The following DOCK4 variants were observed in gnomAD, a reference collection of about 807,000 sequenced individuals.
DOCK4 encodes the protein dedicator of cytokinesis protein 4.
Under a neutral mutation model 268.1 loss-of-function variants are expected in DOCK4, and 97 were observed. That is an observed-to-expected ratio of 0.36 (90% confidence interval 0.31 to 0.43). The LOEUF (loss-of-function observed/expected upper bound fraction) is 0.43, where lower values mean the gene tolerates loss of function less well. Among genes scored for constraint, DOCK4 ranks in the 20% least tolerant of loss-of-function variants. DOCK4 has a pLI of 1.00. For synonymous variants in DOCK4, 954 were observed against 887.2 expected (o/e 1.08, Z -1.34); for missense variants, 2,145 against 2,455.7 (o/e 0.87, Z 2.67).
chr7:111,823,268 G>A (rs530121236), intron 26 of DOCK4, among the ~76,000 whole-genome samples: 17 of 144,546 alleles, frequency 1.2e-4, no homozygotes, highest in Non-Finnish European at 2.1e-4. Context: ...GTGCAGTGGC[G>A]TGATCTCGGC....
intron 27 of DOCK4, among the ~76,000 whole-genome samples, chr7:111,816,866 C>CTGA (rs758786887): frequency 9.9e-5 from 15 of 152,166 alleles, no homozygotes; most frequent in Non-Finnish European, 5.9e-5. Flanking sequence ...ACAGGCAAAG[C>CTGA]TGATCCAAGT....
chr7:111,931,025 G>A (rs1379566360), intron 12 of DOCK4, among the ~76,000 whole-genome samples: 1 of 152,192 alleles, frequency 6.6e-6, no homozygotes, highest in South Asian at 2.1e-4. Flanking sequence ...GAAAGGATCA[G>A]AGAGAGAGAC....
At chr7:112,108,958 G>A (rs899903231) in intron 1 of DOCK4, among the ~76,000 whole-genome samples, 5 of 151,648 alleles carry the variant, frequency 3.3e-5, no homozygotes, top group African/African-American at 1.2e-4. Flanking sequence ...CCAGTATCTG[G>A]CCCAGTTTTT....
chr7:112,123,487 T>G (rs557641141), intron 1 of DOCK4, among the ~76,000 whole-genome samples: 34 of 152,190 alleles, frequency 2.2e-4, no homozygotes, highest in African/African-American at 8.2e-4. Flanking sequence ...TGACTCAAAG[T>G]CAAAATAAAA....
chr7:111,808,998 A>T, intron 29 of DOCK4, 119 bp from the exon 30 acceptor site: 9 of 1,114,592 alleles, frequency 8.1e-6, no homozygotes, highest in Non-Finnish European at 1.2e-5. Flanking sequence ...TTAATTAAAG[A>T]CATTTAATAT....
intron 8 of DOCK4, among the ~76,000 whole-genome samples, chr7:111,962,910 G>A (rs1441924690): frequency 6.6e-6 from 1 of 152,126 alleles, no homozygotes; most frequent in Admixed American, 6.5e-5. Flanking sequence ...TTTTCCAGAA[G>A]TACTACCCTG....
intron 32 of DOCK4, among the ~76,000 whole-genome samples, chr7:111,787,533 C>T (rs557035287): frequency 1.8e-4 from 28 of 152,122 alleles, no homozygotes; most frequent in Non-Finnish European, 3.4e-4. Flanking sequence ...ATCTCTATAC[C>T]CTTCTTGGCT....
intron 8 of DOCK4, among the ~76,000 whole-genome samples, chr7:111,958,945 T>C (rs1171354188): frequency 2.0e-5 from 3 of 152,144 alleles, no homozygotes; most frequent in South Asian, 2.1e-4. Context: ...AAAGCAATTA[T>C]TTGTGATTTT....
intron 12 of DOCK4, among the ~76,000 whole-genome samples, chr7:111,931,011 G>A (rs7803742): frequency 0.019 from 2,969 of 152,300 alleles, 97 homozygotes; most frequent in African/African-American, 0.068. Context: ...CTTGAGAGAG[G>A]CTAGAAAGGA....
At chr7:112,071,013 G>C (rs1335640502) in intron 1 of DOCK4, among the ~76,000 whole-genome samples, 1 of 152,114 alleles carries the variant, frequency 6.6e-6, no homozygotes, top group East Asian at 1.9e-4. Context: ...AAAACAAAAA[G>C]CCTTCAGGCA....
intron 1 of DOCK4, among the ~76,000 whole-genome samples, chr7:112,204,796 A>G (rs945689870): frequency 6.6e-6 from 1 of 152,098 alleles, no homozygotes; most frequent in African/African-American, 2.4e-5. Flanking sequence ...GGCTTTCCAG[A>G]TGTTTTAAAT....
intron 26 of DOCK4, among the ~76,000 whole-genome samples, chr7:111,830,445 CA>C (rs386411015): frequency 6.6e-6 from 1 of 151,276 alleles, no homozygotes; most frequent in Non-Finnish European, 1.5e-5. Context: ...CAAAACAAAA[CA>C]AAAAAAACAA....
intron 1 of DOCK4, among the ~76,000 whole-genome samples, chr7:112,124,166 A>T (rs941074763): frequency 6.6e-6 from 1 of 152,088 alleles, no homozygotes; most frequent in African/African-American, 2.4e-5. Flanking sequence ...CTGGGACTAC[A>T]ATACTGCATC....
chr7:112,111,543 T>A (rs956037836), intron 1 of DOCK4, among the ~76,000 whole-genome samples: 26 of 152,214 alleles, frequency 1.7e-4, no homozygotes, highest in African/African-American at 5.1e-4. Flanking sequence ...CCATTTTTTT[T>A]ATTTTAATTC....
At chr7:111,741,413 C>T in intron 46 of DOCK4, 127 bp downstream of exon 46, 1 of 1,439,706 alleles carries the variant, frequency 6.9e-7, no homozygotes, top group Non-Finnish European at 9.4e-7. Flanking sequence ...CTGCAGCTGC[C>T]TCGCGGGTTA....
intron 8 of DOCK4, among the ~76,000 whole-genome samples, chr7:111,951,984 A>G (rs1277088841): frequency 2.0e-5 from 3 of 152,072 alleles, no homozygotes; most frequent in African/African-American, 4.8e-5. Flanking sequence ...ATGGCCAAGC[A>G]CAGTGTCACA....
At chr7:111,950,228 A>G (rs1041923924) in intron 8 of DOCK4, among the ~76,000 whole-genome samples, 1 of 152,214 alleles carries the variant, frequency 6.6e-6, no homozygotes, top group Admixed American at 6.5e-5. Context: ...TGCCTGGCCA[A>G]TAATATTGCA....
At chr7:111,773,692 TCTAAGAACTGAGAAGA>T (rs1174397625) in intron 36 of DOCK4, among the ~76,000 whole-genome samples, 1 of 152,150 alleles carries the variant, frequency 6.6e-6, no homozygotes, top group Non-Finnish European at 1.5e-5. Flanking sequence ...TAGGCACTAT[TCTAAGAACTGAGAAGA>T]CTAAAGATAA....
rs1219902615 is a variant in DOCK4, at chr7:112,004,102, A to G, written c.67T>C (p.Tyr23His). The G allele has an allele frequency of 2.4e-5, 39 of 1,600,064 alleles. No individual in the cohort carries two copies. The highest frequency in any genetic ancestry group is 3.3e-5 in the Non-Finnish European group (39 of 1,173,040). Residue 23 changes from tyrosine (Y) to histidine (H), a missense_variant, in exon 2 of 53, where the codon TAT becomes CAT. Around this residue, in one of 2 missense-constraint regions of DOCK4, gnomAD observed 1,598 missense variants for 1,986.7 expected, o/e 0.80. Transcript: ENST00000428084. ...VIASFRGTVP[Y>H]GLSLEIGDTV... ...TCTCCAATTTCCAATGACAGGCCATATGGAACGGTTCCTCGGAAACTGGCA... is the reference window on the plus strand; with the variant it reads ...TCTCCAATTTCCAATGACAGGCCATGTGGAACGGTTCCTCGGAAACTGGCA...
Sources: gnomAD v4.1 joint callset for allele counts (sites outside exome capture counted in the v4.1 genomes callset) on GRCh38, gnomAD v4.1.1 for gene constraint, gnomAD v4.1.1 regional missense constraint, MANE v1.5 for transcripts, NCBI Gene and HGNC (gene_info 2026-07-23, HGNC 2026-07-21) for gene names.